NRG1: variants seen among roughly 807,000 people sequenced by gnomAD.
NRG1 encodes pro-neuregulin-1, membrane-bound isoform.
A neutral mutation model predicts 63.8 loss-of-function variants in NRG1; 18 were observed. That is an observed-to-expected ratio of 0.28 (90% CI 0.19 to 0.42). NRG1 has a LOEUF of 0.42. NRG1 is among the 10% of genes least tolerant of loss of function. The pLI, the probability that NRG1 is intolerant of heterozygous loss-of-function variation, is 1.00. For missense variants in NRG1, 762 were observed against 814.7 expected, an observed-to-expected ratio of 0.94 and a Z score of 0.79; for synonymous variants, 302 against 301.3, an observed-to-expected ratio of 1.00 and a Z score of -0.02.
chr8:32,169,303 T>C (rs1839747463), intron 1 of NRG1, among the ~76,000 whole-genome samples: 1 of 152,204 alleles, frequency 6.6e-6, no homozygotes, highest in Non-Finnish European at 1.5e-5. Flanking sequence ...CATGGTACAA[T>C]TGGTTTTCAT....
In NRG1 at chr8:31,699,530, C is replaced by A. The variant is rs184082188; in HGVS notation, c.37+60099C>A. On this transcript the variant is annotated intron_variant, in intron 1 of 10. Transcript: ENST00000519301. ...ACTCTGATGAAGTACTCCCAATACT[C>A]TGGCGATTTTCTTTTTCTTACCCAC... 2.0e-5 allele frequency among the ~76,000 whole-genome samples: 3 copies of A among 152,270 alleles called. No individual in the cohort carries two copies. The East Asian group carries it at 5.8e-4, about 29-fold the overall frequency.
intron 2 of NRG1, among the ~76,000 whole-genome samples, chr8:32,601,936 T>C (rs1844434671): frequency 6.6e-6 from 1 of 152,186 alleles, no homozygotes; most frequent in Non-Finnish European, 1.5e-5. Flanking sequence ...AATAAGCATG[T>C]GGCTAATTAG....
rs968730479 is a variant in NRG1, at chr8:32,579,934, T to A, written c.101-15894T>A. 4.6e-5 allele frequency among the ~76,000 whole-genome samples: 7 copies of A among 152,292 alleles called. No individual in the cohort carries two copies. In the South Asian group the frequency reaches 1.0e-3, roughly 23 times the overall value. On this transcript the variant is annotated intron_variant, in intron 1 of 11. Coordinates refer to ENST00000356819, the Ensembl canonical transcript of NRG1. ...GCTTCTAGAGGGGCTTCCCTTCCTC[T>A]TACTTCCAAGCCAACAACATGACAT...
intron 1 of NRG1, among the ~76,000 whole-genome samples, chr8:32,563,804 T>A (rs1836907175): frequency 1.3e-5 from 2 of 152,194 alleles, no homozygotes; most frequent in Admixed American, 1.3e-4. Flanking sequence ...TTCCCTAAAC[T>A]CATCAAGTAC....
chr8:31,988,828 T>G (rs886470567), intron 1 of NRG1, among the ~76,000 whole-genome samples: 11 of 152,090 alleles, frequency 7.2e-5, no homozygotes, highest in Non-Finnish European at 1.5e-4. Context: ...GATCCTATGC[T>G]TTTCCAGTTC....
At chr8:32,066,581 G>C (rs1255835252) in intron 1 of NRG1, among the ~76,000 whole-genome samples, 1 of 152,012 alleles carries the variant, frequency 6.6e-6, no homozygotes, top group African/African-American at 2.4e-5. Context: ...TGCTGTTTTG[G>C]TTACTGTAGC....
intron 1 of NRG1, among the ~76,000 whole-genome samples, chr8:31,895,009 TA>T (rs1343244954): frequency 2.0e-5 from 3 of 152,256 alleles, no homozygotes; most frequent in African/African-American, 7.2e-5. Context: ...ATGTGGTTAA[TA>T]AAACCAAAAT....
At chr8:31,958,695 G>T (rs1804890927) in intron 1 of NRG1, among the ~76,000 whole-genome samples, 1 of 152,164 alleles carries the variant, frequency 6.6e-6, no homozygotes. Flanking sequence ...AGGAAAATAT[G>T]CTTTACTATT....
At chr8:32,366,671 GTGTGTGTA>G (rs1197576437) in intron 1 of NRG1, among the ~76,000 whole-genome samples, 5 of 86,510 alleles carry the variant, frequency 5.8e-5, no homozygotes, top group Admixed American at 2.5e-4. Flanking sequence ...GTGTGTGTGT[GTGTGTGTA>G]TATATATATA....
intron 5 of NRG1, among the ~76,000 whole-genome samples, chr8:32,626,544 G>T (rs1274357298): frequency 6.6e-6 from 1 of 151,984 alleles, no homozygotes; most frequent in African/African-American, 2.4e-5. Context: ...GCTGGGCATG[G>T]TGGCGGTTGC....
chr8:32,297,105 C>A (rs551704759), intron 1 of NRG1, among the ~76,000 whole-genome samples: 1 of 151,928 alleles, frequency 6.6e-6, no homozygotes, highest in African/African-American at 2.4e-5. Context: ...CAGAATGAGA[C>A]GCTGTCTCAA....
intron 1 of NRG1, among the ~76,000 whole-genome samples, chr8:32,132,681 C>A (rs1238280297): frequency 1.3e-5 from 2 of 152,046 alleles, no homozygotes; most frequent in Non-Finnish European, 2.9e-5. Flanking sequence ...TGGAAGAACA[C>A]ATCTGAGATA....
Position 31,640,667 on chromosome 8 carries a change from C to G in NRG1, c.37+1236C>G. Reference sequence around the variant, plus strand: ...CCGGCCGCCTTCCGAGCCTCTTTCCCCCCTCTGGAGACGGGCCGGAACCTC... The same window carrying G: ...CCGGCCGCCTTCCGAGCCTCTTTCCGCCCTCTGGAGACGGGCCGGAACCTC... On this transcript the variant is annotated intron_variant, in intron 1 of 10. Transcript: ENST00000519301. The surrounding 1 kb of genome is among the most constrained non-coding windows in gnomAD (Gnocchi z 6.3). The G allele has an allele frequency of 1.2e-6, 2 of 1,608,238 alleles. No homozygotes were observed. Among genetic ancestry groups the G allele is most frequent in the South Asian group, 2.2e-5 (2 of 90,422 alleles).
rs111412281 is a variant in NRG1, at chr8:32,348,583, A to T, written c.38-247245A>T. On this transcript the variant is annotated intron_variant, in intron 1 of 10. Coordinates refer to the NRG1 transcript ENST00000519301. Reference sequence around the variant, plus strand: ...ACATTTATGGTCAAATAACATAAAGAAAAATCCTTTATAGCCACTTACTTA... The same window carrying T: ...ACATTTATGGTCAAATAACATAAAGTAAAATCCTTTATAGCCACTTACTTA... 1.4e-3 allele frequency among the ~76,000 whole-genome samples: 212 copies of T among 152,344 alleles called. 2 individuals carry two copies. The highest frequency in any genetic ancestry group is 4.9e-3 in the African/African-American group (203 of 41,588).
intron 1 of NRG1, among the ~76,000 whole-genome samples, chr8:32,031,548 A>C (rs1323149012): frequency 6.6e-6 from 1 of 151,722 alleles, no homozygotes; most frequent in Non-Finnish European, 1.5e-5. Flanking sequence ...GGTCTATTTT[A>C]TGGGACTTTC....
intron 1 of NRG1, among the ~76,000 whole-genome samples, chr8:31,809,380 ACGTG>A (rs1822621951): frequency 7.0e-6 from 1 of 142,430 alleles, no homozygotes; most frequent in Non-Finnish European, 1.5e-5. Flanking sequence ...ACGTATATAT[ACGTG>A]TATATATATG....
At chr8:31,834,752 C>T (rs1342524857) in intron 1 of NRG1, among the ~76,000 whole-genome samples, 1 of 152,170 alleles carries the variant, frequency 6.6e-6, no homozygotes, top group East Asian at 1.9e-4. Flanking sequence ...ATGCTACGTA[C>T]ATTATACACA....
chr8:32,760,431 G>A, intron 11 of NRG1, 25 bp downstream of exon 11: 1 of 1,611,964 alleles, frequency 6.2e-7, no homozygotes, highest in Non-Finnish European at 8.5e-7. Flanking sequence ...CAAAGCTACT[G>A]CAGAGGAGAA....
intron 1 of NRG1, among the ~76,000 whole-genome samples, chr8:31,775,519 A>G (rs926616979): frequency 4.6e-5 from 7 of 152,190 alleles, no homozygotes; most frequent in Admixed American, 6.5e-5. Context: ...TGGTCACACT[A>G]AAAGCCCAGA....
Sources: allele counts gnomAD v4.1 joint callset (sites outside exome capture counted in the v4.1 genomes callset), GRCh38; gene constraint gnomAD v4.1.1; non-coding constraint Gnocchi (gnomAD v3.1); transcripts MANE v1.5; gene names NCBI Gene and HGNC (gene_info 2026-07-23, HGNC 2026-07-21).